The following TYW1B variants were observed in gnomAD, a reference collection of about 807,000 sequenced individuals.
TYW1B encodes the protein S-adenosyl-L-methionine-dependent tRNA 4-demethylwyosine synthase TYW1B.
In TYW1B, 73 loss-of-function variants were observed where a neutral mutation model predicts 86.9. That is an observed-to-expected ratio of 0.84 (90% CI 0.70 to 1.02). The LOEUF (loss-of-function observed/expected upper bound fraction) is 1.02. TYW1B is among the 50% of genes least tolerant of loss of function. TYW1B has a pLI of 0.00. For missense variants in TYW1B, 637 were observed against 827.4 expected (o/e 0.77, Z 2.82); for synonymous variants, 248 against 292.8 (o/e 0.85, Z 1.56).
At chr7:72,705,767 GT>G (rs1814594417) in intron 10 of TYW1B, among the ~76,000 whole-genome samples, 2 of 152,130 alleles carry the variant, frequency 1.3e-5, no homozygotes, top group South Asian at 4.1e-4. Context: ...GAACAAACCA[GT>G]TCTCTGAGGT....
intron 11 of TYW1B, among the ~76,000 whole-genome samples, chr7:72,679,145 C>T (rs1370106513): frequency 9.2e-5 from 14 of 152,016 alleles, no homozygotes; most frequent in African/African-American, 3.4e-4. Flanking sequence ...ACCAAGTATT[C>T]GTGAGGATAG....
intron 11 of TYW1B, among the ~76,000 whole-genome samples, chr7:72,639,036 A>T (rs1812735202): frequency 6.6e-6 from 1 of 152,198 alleles, no homozygotes; most frequent in African/African-American, 2.4e-5. Context: ...AAAGGGAAAC[A>T]GGATTGGAGC....
At chr7:72,580,316 G>A (rs1554429422) in intron 13 of TYW1B, among the ~76,000 whole-genome samples, 5 of 152,140 alleles carry the variant, frequency 3.3e-5, no homozygotes, top group African/African-American at 7.2e-5. Flanking sequence ...CACAAACAGC[G>A]CTGAGAGACA....
chr7:72,580,678 T>C (rs1554429484), intron 13 of TYW1B, among the ~76,000 whole-genome samples: 1 of 152,144 alleles, frequency 6.6e-6, no homozygotes, highest in Non-Finnish European at 1.5e-5. Context: ...TAAACAATAA[T>C]AATGGCATAG....
chr7:72,701,796 A>C (rs1814482237), intron 10 of TYW1B, among the ~76,000 whole-genome samples: 6 of 152,128 alleles, frequency 3.9e-5, no homozygotes, highest in Admixed American at 3.3e-4. Flanking sequence ...TCAGCTCATT[A>C]ATGGACAGAG....
At chr7:72,656,652 T>C (rs1554443670) in intron 11 of TYW1B, among the ~76,000 whole-genome samples, 2 of 151,730 alleles carry the variant, frequency 1.3e-5, no homozygotes, top group African/African-American at 4.8e-5. Context: ...AGCTGGGTAA[T>C]TTATGAAGAA....
intron 8 of TYW1B, among the ~76,000 whole-genome samples, chr7:72,741,757 A>C (rs1787308367): frequency 6.6e-6 from 1 of 152,222 alleles, no homozygotes; most frequent in African/African-American, 2.4e-5. Flanking sequence ...GGCACTCATC[A>C]CGTATAAGGG....
At chr7:72,694,611 T>G in intron 11 of TYW1B, 76 bp downstream of exon 11, 5 of 1,378,852 alleles carry the variant, frequency 3.6e-6, no homozygotes, top group Non-Finnish European at 4.7e-6. Context: ...GTTCTTTTCT[T>G]CCATCTTTCT....
intron 11 of TYW1B, among the ~76,000 whole-genome samples, chr7:72,676,307 A>G (rs1813733762): frequency 6.6e-6 from 1 of 152,238 alleles, no homozygotes; most frequent in Non-Finnish European, 1.5e-5. Context: ...ATACGTACTC[A>G]GGATTAGCAG....
chr7:72,704,445 A>AC (rs1336435539), intron 10 of TYW1B, among the ~76,000 whole-genome samples: 1 of 149,916 alleles, frequency 6.7e-6, no homozygotes, highest in East Asian at 1.9e-4. Flanking sequence ...AAAAAAAAAA[A>AC]AAAAAAAAAA....
chr7:72,664,841 G>A (rs1458344975), intron 11 of TYW1B, among the ~76,000 whole-genome samples: 2 of 152,024 alleles, frequency 1.3e-5, no homozygotes, highest in African/African-American at 2.4e-5. Flanking sequence ...CCTCATGGAC[G>A]GCAAAATCCA....
intron 6 of TYW1B, among the ~76,000 whole-genome samples, chr7:72,796,864 G>A (rs377150686): frequency 1.4e-5 from 2 of 139,880 alleles, no homozygotes; most frequent in East Asian, 4.2e-4. Context: ...TGGTACAATG[G>A]TGCAATCTCG....
chr7:72,605,439 C>T (rs1333494434), intron 13 of TYW1B, among the ~76,000 whole-genome samples: 3 of 151,714 alleles, frequency 2.0e-5, no homozygotes, highest in Non-Finnish European at 2.9e-5. Flanking sequence ...CTGCAATCTC[C>T]GCCTCCCTGG....
At chr7:72,619,558 G>A (rs1554437581) in intron 12 of TYW1B, among the ~76,000 whole-genome samples, 2 of 150,658 alleles carry the variant, frequency 1.3e-5, no homozygotes, top group Non-Finnish European at 2.9e-5. Context: ...GGAGAATGGC[G>A]TGAACCCGGG....
intron 7 of TYW1B, among the ~76,000 whole-genome samples, chr7:72,771,228 C>T (rs1554469539): frequency 6.6e-6 from 1 of 152,154 alleles, no homozygotes; most frequent in African/African-American, 2.4e-5. Context: ...TCCCAAAGTG[C>T]TAGGATTACA....
rs1554476003 is a variant in TYW1B, at chr7:72,802,522, C to T, written c.724G>A (p.Glu242Lys). The T allele has an allele frequency of 6.2e-7, 1 of 1,613,618 alleles. No homozygotes were observed. Among genetic ancestry groups the T allele is most frequent in the Non-Finnish European group, 8.5e-7 (1 of 1,179,814 alleles). The change falls in exon 6 of 14, where the codon GAG becomes AAG. Residue 242 changes from glutamate to lysine, a missense_variant and splice_region_variant. Transcript: ENST00000620995. Reference protein sequence around the residue: ...QDELHHRDTKEEEPFESSSEE... With the variant: ...QDELHHRDTKKEEPFESSSEE... ...CTGGAGCTCTCGAAGGGTTCTTCCT[C>T]CTGGAAGAGAAATGCTTCAGAAATA...
chr7:72,822,556 G>C (rs1437141797), intron 2 of TYW1B, among the ~76,000 whole-genome samples: 1 of 152,154 alleles, frequency 6.6e-6, no homozygotes, highest in South Asian at 2.1e-4. Context: ...TAACATGCTG[G>C]AAGACAATGA....
chr7:72,593,931 G>A (rs534330671), intron 13 of TYW1B, among the ~76,000 whole-genome samples: 193 of 147,288 alleles, frequency 1.3e-3, no homozygotes, highest in African/African-American at 3.4e-3. Flanking sequence ...ATGGATCACA[G>A]AAGAAATCAC....
chr7:72,802,310 T>G (rs1788415289), intron 6 of TYW1B, 90 bp downstream of exon 6: 17 of 1,532,096 alleles, frequency 1.1e-5, no homozygotes, highest in East Asian at 2.3e-5. Context: ...AACTCCTCTG[T>G]GAGCTCAGAT....
Sources: allele counts gnomAD v4.1 joint callset (sites outside exome capture counted in the v4.1 genomes callset), GRCh38; gene constraint gnomAD v4.1.1; transcripts MANE v1.5; gene names NCBI Gene and HGNC (gene_info 2026-07-23, HGNC 2026-07-21).